The following ETV4 variants were observed in gnomAD, a reference collection of about 807,000 sequenced individuals.
ETV4 encodes the protein ETS translocation variant 4.
In ETV4, 42 loss-of-function variants were observed where a neutral mutation model predicts 65.9. That is an observed-to-expected ratio of 0.64 (90% CI 0.50 to 0.82). The LOEUF is 0.82. Among genes scored for constraint, ETV4 ranks in the 40% least tolerant of loss-of-function variants. The pLI is 0.00. For synonymous variants in ETV4, 238 were observed against 260.0 expected (o/e 0.92, Z 0.81); for missense variants, 583 against 630.3 (o/e 0.92, Z 0.80).
intron 8 of ETV4, among the ~76,000 whole-genome samples, chr17:43,532,229 G>A (rs1438821862): frequency 6.6e-6 from 1 of 152,206 alleles, no homozygotes; most frequent in Non-Finnish European, 1.5e-5. Context: ...TCCGGGTGAG[G>A]TGGCTCATGT....
intron 4 of ETV4, among the ~76,000 whole-genome samples, chr17:43,540,530 G>A (rs1457622872): frequency 6.6e-6 from 1 of 152,066 alleles, no homozygotes; most frequent in Admixed American, 6.6e-5. Flanking sequence ...ATAGGACTGG[G>A]GTGGGGCCCA....
chr17:43,546,284 G>T lies in ETV4; in HGVS notation c.-151C>A, dbSNP rs962472952. Reference sequence around the variant, plus strand: ...GGCTAGGCCGGAGTAAGGCGGCCCCGGCCCCGGGTCCCCAGCGCACCGACT... The same window carrying T: ...GGCTAGGCCGGAGTAAGGCGGCCCCTGCCCCGGGTCCCCAGCGCACCGACT... On this transcript the variant is annotated 5_prime_UTR_variant, in exon 1 of 13. Transcript: ENST00000319349. 3 of 152,108 alleles carry T rather than the reference G, an allele frequency of 2.0e-5. No homozygotes were observed. Among genetic ancestry groups the T allele is most frequent in the Non-Finnish European group, 2.9e-5 (2 of 68,110 alleles). 9.4% of individuals were successfully genotyped at this position (152,108 alleles called of 1,614,324 possible). A position where few individuals can be genotyped will look rare whatever the true frequency, so the allele number is the denominator to read the frequency against.
chr17:43,531,990 C>T (rs183422776), intron 8 of ETV4, among the ~76,000 whole-genome samples: 1 of 152,220 alleles, frequency 6.6e-6, no homozygotes, highest in East Asian at 1.9e-4. Flanking sequence ...TCACAAGCTA[C>T]CTGAGGGCAG....
rs1274080696 is a variant in ETV4, at chr17:43,530,126, A to G, written c.867T>C (p.Ser289=). 6.4e-7 allele frequency: 1 copy of G among 1,574,722 alleles called. No homozygotes were observed. Among genetic ancestry groups the G allele is most frequent in the Non-Finnish European group, 8.6e-7 (1 of 1,159,928 alleles). Residue 289 remains serine, a synonymous_variant, in exon 9 of 13, where the codon TCT becomes TCC. Transcript: ENST00000319349. ...CCTTACCCATGGCCCCGTCACCTGG[A>G]GAGGGCCCAGAGAAGCCCTCTGTGT... ...YLHTEGFSGP[S]PGDGAMGYGY... is the part of the protein sequence containing the mutation.
At chr17:43,528,860 T>C (rs1302954421) in intron 12 of ETV4, 117 bp from the exon 13 acceptor site, 2 of 792,088 alleles carry the variant, frequency 2.5e-6, no homozygotes, top group Admixed American at 2.6e-5. Flanking sequence ...CTCGGGGCAT[T>C]TCTCTCCCAT....
At chr17:43,536,613 G>T (rs1598207513) in intron 4 of ETV4, 134 bp from the exon 5 acceptor site, 1 of 690,982 alleles carries the variant, frequency 1.4e-6, no homozygotes, top group East Asian at 2.5e-5. Context: ...TGTCCACATT[G>T]TAAGAATTGT....
At chr17:43,535,501 T>C (rs566358524) in intron 5 of ETV4, among the ~76,000 whole-genome samples, 104 of 152,272 alleles carry the variant, frequency 6.8e-4, no homozygotes, top group Non-Finnish European at 1.3e-3. Context: ...GGTCTCAAAC[T>C]CCTGACCTCA....
intron 12 of ETV4, 138 bp from the exon 13 acceptor site, chr17:43,528,881 G>A (rs1970728578): frequency 2.8e-6 from 2 of 722,618 alleles, no homozygotes; most frequent in African/African-American, 1.8e-5. Context: ...GCTGGTTCCT[G>A]AGAAGCTGAC....
At position 43,529,485 on chromosome 17, in the gene ETV4, G is replaced by A; in HGVS notation, c.1128+19C>T. 1.3e-6 allele frequency: 2 copies of A among 1,594,822 alleles called. No individual in the cohort carries two copies. Among genetic ancestry groups the A allele is most frequent in the African/African-American group, 1.3e-5 (1 of 74,488 alleles). ...TGTAAACTTTGGAAAGGAGGGCTGG[G>A]AACATCCGAGAGGCCCACCTCCTCA... is the stretch of plus-strand genomic sequence containing the variant. On this transcript the variant is annotated intron_variant, in intron 11 of 12. Transcript: ENST00000319349.
In ETV4 at chr17:43,529,200, C is replaced by G; in HGVS notation, c.1165G>C (p.Ala389Pro). ...RLWGIQKNRP[A>P]MNYDKLSRSL... ...CGGCTCAGCTTGTCGTAATTCATGG[C>G]TGGCCGGTTCTTCTGGATGCCCCAG... is the stretch of plus-strand genomic sequence containing the variant. Residue 389 changes from alanine to proline, a missense_variant, in exon 12 of 13, where the codon GCC (alanine) becomes CCC (proline). Transcript: ENST00000319349. 1 of 1,614,020 alleles carries G rather than the reference C, an allele frequency of 6.2e-7. No homozygotes were observed.
Position 43,529,510 on chromosome 17 carries a change from A to T in ETV4, c.1122T>A (p.Pro374=). The change falls in exon 11 of 13, where the codon CCT becomes CCA. Residue 374 remains proline (P), a synonymous_variant. Transcript: ENST00000319349. ...GAACATCCGAGAGGCCCACCTCCTCAGGCTCAATGAGCTTGAACTCCATTC... is the reference window on the plus strand; with the variant it reads ...GAACATCCGAGAGGCCCACCTCCTCTGGCTCAATGAGCTTGAACTCCATTC... The part of the protein sequence containing the change: ...GRGMEFKLIE[P]EEVARLWGIQ... 6.2e-7 allele frequency: 1 copy of T among 1,609,490 alleles called. No homozygotes were observed. The highest frequency in any genetic ancestry group is 8.5e-7 in the Non-Finnish European group (1 of 1,177,150).
intron 4 of ETV4, among the ~76,000 whole-genome samples, chr17:43,540,178 TGTG>T (rs1310937457): frequency 6.6e-6 from 1 of 152,132 alleles, no homozygotes; most frequent in African/African-American, 2.4e-5. Flanking sequence ...TACAGCCAGG[TGTG>T]GTGGCTCACG....
rs769832778 is a variant in ETV4, at chr17:43,545,612, C to A, written c.6G>T (p.Glu2Asp). 6.4e-7 allele frequency: 1 copy of A among 1,550,988 alleles called. No individual in the cohort carries two copies. Among genetic ancestry groups the A allele is most frequent in the South Asian group, 1.2e-5 (1 of 84,060 alleles). The part of the protein sequence containing the change: M[E>D]RRMKAGYLDQ... ...CCAAGTATCCGGCTTTCATCCTCCGCTCCATCCGGCCGCTCCCTCCGGCCG... is the reference window on the plus strand; with the variant it reads ...CCAAGTATCCGGCTTTCATCCTCCGATCCATCCGGCCGCTCCCTCCGGCCG... The change falls in exon 2 of 13, where the codon GAG becomes GAT. Residue 2 changes from glutamate to aspartate, a missense_variant. By Grantham distance (45) the Glu-to-Asp change is conservative. Coordinates refer to ENST00000319349, the MANE Select transcript of ETV4 (RefSeq NM_001079675.5).
In ETV4 at chr17:43,532,893, G is replaced by A. The variant is rs1347289756; in HGVS notation, c.592C>T (p.Gln198Ter). ...GGGAGGGGTTCCCGGCCCCCTCCCT[G>A]AGATGTGAAGGAGTGGCAAATGTCC... ...PLDICHSFTS[Q>*]GGGREPLPAP... Residue 198 changes from glutamine to a stop codon, truncating the protein, a stop_gained, in exon 8 of 13, where the codon CAG becomes TAG. Transcript: ENST00000319349. LOFTEE classifies it high-confidence loss of function. The A allele has an allele frequency of 5.0e-6, 8 of 1,600,984 alleles. No homozygotes were observed. Among genetic ancestry groups the A allele is most frequent in the Non-Finnish European group, 6.0e-6 (7 of 1,172,472 alleles).
At position 43,533,362 on chromosome 17, in the gene ETV4, G is replaced by A; in HGVS notation, c.384-14C>T. The A allele has an allele frequency of 1.2e-6, 2 of 1,606,796 alleles. No homozygotes were observed. The highest frequency in any genetic ancestry group is 8.5e-7 in the Non-Finnish European group (1 of 1,174,146). On this transcript the variant is annotated splice_polypyrimidine_tract_variant and intron_variant, in intron 6 of 12. Coordinates refer to ENST00000319349, the MANE Select transcript of ETV4 (RefSeq NM_001079675.5). Reference sequence around the variant, plus strand: ...GGGTCATAGGCACTGGAGTTGAGAAGGAGACAGGGGTGAGGGGGCAGAGAA... The same window carrying A: ...GGGTCATAGGCACTGGAGTTGAGAAAGAGACAGGGGTGAGGGGGCAGAGAA...
intron 4 of ETV4, among the ~76,000 whole-genome samples, chr17:43,539,232 G>C (rs1971400370): frequency 6.6e-6 from 1 of 152,168 alleles, no homozygotes; most frequent in South Asian, 2.1e-4. Flanking sequence ...CCTTGCCTGT[G>C]AATCTGCAGC....
chr17:43,530,607 C>T (rs957226207), intron 8 of ETV4, among the ~76,000 whole-genome samples: 57 of 138,736 alleles, frequency 4.1e-4, no homozygotes, highest in African/African-American at 1.2e-3. Context: ...TGTGCACGCG[C>T]GCGTGTGTGT....
intron 4 of ETV4, among the ~76,000 whole-genome samples, chr17:43,541,061 C>G (rs1440639845): frequency 1.3e-5 from 2 of 152,112 alleles, no homozygotes; most frequent in Admixed American, 6.5e-5. Flanking sequence ...AACCAGGGAC[C>G]CCTCCAGGCC....
chr17:43,545,051 G>A, intron 3 of ETV4, 29 bp from the exon 4 acceptor site: 1 of 1,609,672 alleles, frequency 6.2e-7, no homozygotes, highest in Non-Finnish European at 8.5e-7. Flanking sequence ...AATTGGAGGT[G>A]AGGTGGAGGG....
Sources: gnomAD v4.1 joint callset for allele counts (sites outside exome capture counted in the v4.1 genomes callset) on GRCh38, gnomAD v4.1.1 for gene constraint, MANE v1.5 for transcripts, NCBI Gene and HGNC (gene_info 2026-07-23, HGNC 2026-07-21) for gene names.